Variants in CDH18 observed in about 807,000 individuals in gnomAD.
The protein encoded by CDH18 is cadherin-18.
A neutral mutation model predicts 67.9 loss-of-function variants in CDH18; 31 were observed. That is an observed-to-expected ratio of 0.46 (90% CI 0.34 to 0.62). The LOEUF (loss-of-function observed/expected upper bound fraction) is 0.62, where lower values mean the gene tolerates loss of function less well. CDH18 is among the 20% of genes least tolerant of loss of function. The pLI is 0.01. For synonymous variants in CDH18, 362 were observed against 347.2 expected (o/e 1.04, Z -0.48); for missense variants, 890 against 975.5 (o/e 0.91, Z 1.17).
At chr5:19,763,045 C>T (rs1772576745) in intron 3 of CDH18, among the ~76,000 whole-genome samples, 1 of 152,078 alleles carries the variant, frequency 6.6e-6, no homozygotes, top group African/African-American at 2.4e-5. Context: ...GAGAATTGAA[C>T]AATGAGAACA....
chr5:19,798,486 A>C (rs1777086435), intron 3 of CDH18, among the ~76,000 whole-genome samples: 1 of 152,012 alleles, frequency 6.6e-6, no homozygotes, highest in Non-Finnish European at 1.5e-5. Flanking sequence ...AAGCATTTTT[A>C]TCTTTGAATT....
chr5:20,401,109 T>C lies in CDH18; in HGVS notation c.-579-145604A>G, dbSNP rs561289413. Among the ~76,000 whole-genome samples, 10 of 152,332 alleles carry C rather than the reference T, an allele frequency of 6.6e-5. No homozygotes were observed. The South Asian group carries it at 1.9e-3, about 28-fold the overall frequency. On this transcript the variant is annotated intron_variant, in intron 1 of 14. Coordinates refer to the CDH18 transcript ENST00000507958. ...TCAACATTTTTCCAGTGTTTTTGAA[T>C]TGCACAGTGTTTATTTAGCACAATG...
intron 2 of CDH18, among the ~76,000 whole-genome samples, chr5:20,132,310 T>C (rs939999192): frequency 6.6e-6 from 1 of 152,212 alleles, no homozygotes; most frequent in Non-Finnish European, 1.5e-5. Context: ...TAAATAAACT[T>C]ATTTTGAAAT....
At chr5:19,801,068 C>T (rs1236460106) in intron 3 of CDH18, among the ~76,000 whole-genome samples, 4 of 151,960 alleles carry the variant, frequency 2.6e-5, no homozygotes, top group African/African-American at 9.7e-5. Flanking sequence ...GCTGAGATTG[C>T]GCCACTGCAC....
chr5:20,061,758 A>G (rs1742507182), intron 2 of CDH18, among the ~76,000 whole-genome samples: 1 of 152,196 alleles, frequency 6.6e-6, no homozygotes, highest in South Asian at 2.1e-4. Flanking sequence ...TGAAAAATTA[A>G]CCATAGCATT....
chr5:19,821,413 A>C (rs907751550), intron 3 of CDH18, among the ~76,000 whole-genome samples: 33 of 152,152 alleles, frequency 2.2e-4, no homozygotes, highest in South Asian at 2.1e-4. Flanking sequence ...AAACAAAAAA[A>C]AAAAAAAGGA....
intron 1 of CDH18, among the ~76,000 whole-genome samples, chr5:20,422,614 TTG>T (rs752911115): frequency 3.2e-4 from 48 of 151,198 alleles, no homozygotes; most frequent in Non-Finnish European, 6.2e-4. Context: ...AATAAAAATA[TTG>T]TTTCTTATTC....
chr5:20,174,815 A>G (rs1445138946), intron 2 of CDH18, among the ~76,000 whole-genome samples: 2 of 152,160 alleles, frequency 1.3e-5, no homozygotes, highest in African/African-American at 2.4e-5. Flanking sequence ...TATGATAACG[A>G]TCTCTGAGTG....
At chr5:19,584,726 TC>T (rs1211263304) in intron 7 of CDH18, among the ~76,000 whole-genome samples, 8 of 144,228 alleles carry the variant, frequency 5.5e-5, no homozygotes, top group Non-Finnish European at 1.0e-4. Flanking sequence ...AGCTGGCAGA[TC>T]GTTTGGGCTC....
At chr5:19,731,404 G>C (rs1445161658) in intron 4 of CDH18, among the ~76,000 whole-genome samples, 8 of 152,042 alleles carry the variant, frequency 5.3e-5, no homozygotes, top group African/African-American at 1.9e-4. Flanking sequence ...TGAGCCGAGA[G>C]AGCCCCACTG....
intron 1 of CDH18, among the ~76,000 whole-genome samples, chr5:20,451,213 G>A (rs1301197473): frequency 1.3e-5 from 2 of 152,046 alleles, no homozygotes; most frequent in African/African-American, 4.8e-5. Flanking sequence ...TTTCATCAAT[G>A]TTCCATCTTT....
intron 5 of CDH18, among the ~76,000 whole-genome samples, chr5:19,615,706 C>G (rs1369854608): frequency 1.3e-5 from 2 of 152,168 alleles, no homozygotes; most frequent in Non-Finnish European, 2.9e-5. Flanking sequence ...CCTCCCCTCC[C>G]TCAACCCCTG....
At chr5:20,482,643 T>C (rs1752896370) in intron 1 of CDH18, among the ~76,000 whole-genome samples, 1 of 152,082 alleles carries the variant, frequency 6.6e-6, no homozygotes, top group Non-Finnish European at 1.5e-5. Flanking sequence ...CAATGTGATA[T>C]ATCATATGAT....
intron 2 of CDH18, among the ~76,000 whole-genome samples, chr5:19,873,431 AAATAT>A (rs1786551659): frequency 6.6e-6 from 1 of 152,112 alleles, no homozygotes; most frequent in Non-Finnish European, 1.5e-5. Flanking sequence ...CCATACCATA[AAATAT>A]AATATAAAAA....
intron 9 of CDH18, among the ~76,000 whole-genome samples, chr5:19,523,567 A>G (rs1747268106): frequency 6.6e-6 from 1 of 151,900 alleles, no homozygotes; most frequent in Non-Finnish European, 1.5e-5. Context: ...AAAAATAAAC[A>G]TGAAAAAAAA....
rs377737556 is a variant in CDH18 at position 19,977,409 on chromosome 5, T to G, written c.-257+3651A>C. ...ATTCAATTATTTGAATGAGGCACTCTGATAAAGAATACAGAAACTCAGATG... is the reference window on the plus strand; with the variant it reads ...ATTCAATTATTTGAATGAGGCACTCGGATAAAGAATACAGAAACTCAGATG... On this transcript the variant is annotated intron_variant, in intron 2 of 12. Coordinates refer to ENST00000382275, the MANE Select transcript of CDH18 (RefSeq NM_004934.5). 3.8e-4 allele frequency among the ~76,000 whole-genome samples: 58 copies of G among 152,268 alleles called. No individual in the cohort carries two copies. The South Asian group carries it at 0.012, about 30-fold the overall frequency.
chr5:19,790,754 G>C (rs2149812611), intron 3 of CDH18, among the ~76,000 whole-genome samples: 1 of 152,252 alleles, frequency 6.6e-6, no homozygotes, highest in African/African-American at 2.4e-5. Flanking sequence ...TTTATACGGT[G>C]CACAGGGGAA....
chr5:19,590,174 G>A (rs1318592603), intron 7 of CDH18, among the ~76,000 whole-genome samples: 1 of 151,968 alleles, frequency 6.6e-6, no homozygotes, highest in Non-Finnish European at 1.5e-5. Flanking sequence ...AAATACATTT[G>A]TTAAATAAAT....
chr5:20,379,706 A>G (rs111853385), intron 1 of CDH18, among the ~76,000 whole-genome samples: 33 of 152,256 alleles, frequency 2.2e-4, no homozygotes, highest in African/African-American at 7.9e-4. Context: ...TTTATTTTGA[A>G]GGACAGATTC....
Sources: gnomAD v4.1 joint callset for allele counts (sites outside exome capture counted in the v4.1 genomes callset) on GRCh38, gnomAD v4.1.1 for gene constraint, MANE v1.5 for transcripts, NCBI Gene and HGNC (gene_info 2026-07-23, HGNC 2026-07-21) for gene names.